The following FAT4 variants were observed in gnomAD, a reference collection of about 807,000 sequenced individuals.
FAT4 encodes the protein FAT atypical cadherin 4, also known as protocadherin Fat 4.
Under a neutral mutation model 303.9 loss-of-function variants are expected in FAT4, and 84 were observed. The observed-to-expected ratio is 0.28, with a 90% CI of 0.23 to 0.33. FAT4 has a LOEUF of 0.33. Ranked by LOEUF, FAT4 falls within the 10% of genes least tolerant of loss-of-function variation. FAT4 has a pLI of 1.00. For synonymous variants in FAT4, 2,307 were observed against 2,298.8 expected, an observed-to-expected ratio of 1.00 and a Z score of -0.10; for missense variants, 6,005 against 6,146.8, an observed-to-expected ratio of 0.98 and a Z score of 0.77.
At chr4:125,342,613 A>G (rs1454341851) in intron 2 of FAT4, among the ~76,000 whole-genome samples, 1 of 151,946 alleles carries the variant, frequency 6.6e-6, no homozygotes, top group Non-Finnish European at 1.5e-5. Flanking sequence ...TTAAAAATAC[A>G]ATTTAAATTT....
intron 2 of FAT4, among the ~76,000 whole-genome samples, chr4:125,347,293 C>T (rs540192971): frequency 1.3e-5 from 2 of 150,704 alleles, no homozygotes; most frequent in South Asian, 4.2e-4. Context: ...GAAACATACA[C>T]ATGTAGATAA....
chr4:125,451,306 C>T lies in FAT4; in HGVS notation c.10296C>T (p.Asp3432=). The change falls in exon 10 of 18, where the codon GAC becomes GAT. Residue 3432 remains aspartate (D), a synonymous_variant. Coordinates refer to ENST00000394329, the MANE Select transcript of FAT4 (RefSeq NM_001291303.3). ...ATGTGACCTTTGTCAGTGCCTTTGA[C>T]TCAGACTCCATCCCCAGCTGGAGCA... is the stretch of plus-strand genomic sequence containing the variant. ...GTHVTFVSAF[D]SDSIPSWSRF... is the part of the protein sequence containing the mutation. The T allele has an allele frequency of 6.2e-7, 1 of 1,614,146 alleles. No homozygotes were observed. Among genetic ancestry groups the T allele is most frequent in the Non-Finnish European group, 8.5e-7 (1 of 1,180,028 alleles).
At chr4:125,323,365 T>C (rs1731030194) in intron 2 of FAT4, among the ~76,000 whole-genome samples, 1 of 152,180 alleles carries the variant, frequency 6.6e-6, no homozygotes, top group African/African-American at 2.4e-5. Flanking sequence ...GGCAAGAAGA[T>C]TAAAAATGTT....
chr4:125,490,157 G>A lies in FAT4; in HGVS notation c.13341G>A (p.Leu4447=). 2 of 1,614,102 alleles carry A rather than the reference G, an allele frequency of 1.2e-6. No individual in the cohort carries two copies. Among genetic ancestry groups the A allele is most frequent in the Non-Finnish European group, 1.7e-6 (2 of 1,180,012 alleles). The change falls in exon 18 of 18, where the codon CTG becomes CTA. Residue 4447 remains leucine, a synonymous_variant. Transcript: ENST00000394329. ...ATGGTGGCAGCTGTGAGCCAGGCCT[G>A]CACTCCGGCTTCACCTGTAGCTGCC... The part of the protein sequence containing the change: ...CQNGGSCEPG[L]HSGFTCSCPD...
chr4:125,481,691 G>A lies in FAT4; in HGVS notation c.12775G>A (p.Gly4259Ser), dbSNP rs1421759535. The A allele has an allele frequency of 3.1e-6, 5 of 1,613,902 alleles. No individual in the cohort carries two copies. The highest frequency in any genetic ancestry group is 4.2e-6 in the Non-Finnish European group (5 of 1,179,942). Residue 4259 changes from glycine (G) to serine (S), a missense_variant, in exon 16 of 18, where the codon GGC becomes AGC. By Grantham distance (56) the Gly-to-Ser change is moderately conservative. Transcript: ENST00000394329. ...EVKFRTRSEN[G>S]VLIHIQESSN... is the part of the protein sequence containing the mutation. ...AAAATTTAGGACCAGAAGCGAGAATGGCGTTTTAATCCATATCCAAGAAAG... is the reference window on the plus strand; with the variant it reads ...AAAATTTAGGACCAGAAGCGAGAATAGCGTTTTAATCCATATCCAAGAAAG...
At chr4:125,418,760 G>C in intron 7 of FAT4, among the ~76,000 whole-genome samples, 1 of 152,134 alleles carries the variant, frequency 6.6e-6, no homozygotes, top group East Asian at 1.9e-4. Context: ...CATCCACCTG[G>C]TATAGTAATG....
intron 16 of FAT4, among the ~76,000 whole-genome samples, chr4:125,483,003 C>A (rs1727282552): frequency 6.6e-6 from 1 of 152,138 alleles, no homozygotes; most frequent in Admixed American, 6.6e-5. Flanking sequence ...TGGGAGAGTA[C>A]TTCTGGCGTC....
chr4:125,477,278 C>A lies in FAT4; in HGVS notation c.12423C>A (p.Val4141=). ...TTGGGTGTATAATGGAGTTTGCAGT[C>A]AATGGAAGGCCTCTGGAACCCAGCC... ...DFVGCIMEFA[V]NGRPLEPSQA... Residue 4141 remains valine, a synonymous_variant, in exon 14 of 18, where the codon GTC becomes GTA. Transcript: ENST00000394329. 6.3e-7 allele frequency: 1 copy of A among 1,583,060 alleles called. No homozygotes were observed. The highest frequency in any genetic ancestry group is 8.6e-7 in the Non-Finnish European group (1 of 1,163,820).
At chr4:125,427,641 A>C (rs1054747156) in intron 7 of FAT4, among the ~76,000 whole-genome samples, 5 of 152,094 alleles carry the variant, frequency 3.3e-5, no homozygotes, top group South Asian at 2.1e-4. Flanking sequence ...ATTTCAATAC[A>C]TTTTTTAGTG....
intron 2 of FAT4, among the ~76,000 whole-genome samples, chr4:125,328,336 C>T (rs1222810539): frequency 6.6e-6 from 1 of 152,128 alleles, no homozygotes; most frequent in African/African-American, 2.4e-5. Context: ...TTTCTTTGCT[C>T]TTAATATCCT....
At chr4:125,425,019 TA>T (rs1725041160) in intron 7 of FAT4, among the ~76,000 whole-genome samples, 1 of 152,166 alleles carries the variant, frequency 6.6e-6, no homozygotes, top group African/African-American at 2.4e-5. Flanking sequence ...ATATTATAAC[TA>T]ATTGAGATGT....
chr4:125,409,152 T>C (rs962299466), intron 5 of FAT4, among the ~76,000 whole-genome samples: 1 of 152,156 alleles, frequency 6.6e-6, no homozygotes, highest in African/African-American at 2.4e-5. Flanking sequence ...TTATTTTAAC[T>C]TGAAAAGGAT....
intron 10 of FAT4, among the ~76,000 whole-genome samples, chr4:125,462,543 A>T (rs934349100): frequency 1.3e-5 from 2 of 152,002 alleles, no homozygotes; most frequent in Non-Finnish European, 2.9e-5. Flanking sequence ...AAGTTATAGA[A>T]CAGTGGTATT....
intron 7 of FAT4, among the ~76,000 whole-genome samples, chr4:125,432,616 AT>A (rs980368719): frequency 1.5e-4 from 16 of 108,548 alleles, no homozygotes; most frequent in African/African-American, 3.3e-4. Context: ...AGGCATTTAC[AT>A]TTTTTTTTAG....
intron 2 of FAT4, among the ~76,000 whole-genome samples, chr4:125,339,546 T>C (rs527756158): frequency 6.6e-6 from 1 of 152,302 alleles, no homozygotes; most frequent in African/African-American, 2.4e-5. Context: ...AGCATCATTA[T>C]TAATAATTAT....
At chr4:125,327,325 A>T (rs1731197043) in intron 2 of FAT4, among the ~76,000 whole-genome samples, 1 of 152,266 alleles carries the variant, frequency 6.6e-6, no homozygotes, top group Admixed American at 6.5e-5. Flanking sequence ...GTGGAGAATT[A>T]TTTTTGAATT....
intron 7 of FAT4, among the ~76,000 whole-genome samples, chr4:125,419,115 T>C (rs1449971916): frequency 2.6e-5 from 4 of 152,200 alleles, no homozygotes; most frequent in African/African-American, 9.7e-5. Context: ...CCTTCATGTT[T>C]GTATCTATGA....
chr4:125,487,724 C>A, intron 17 of FAT4, 118 bp downstream of exon 17: 2 of 962,222 alleles, frequency 2.1e-6, no homozygotes, highest in Non-Finnish European at 2.8e-6. Flanking sequence ...AGAACAATTT[C>A]ATTCAATAAA....
At chr4:125,342,069 A>C (rs1467615320) in intron 2 of FAT4, among the ~76,000 whole-genome samples, 3 of 151,974 alleles carry the variant, frequency 2.0e-5, no homozygotes, top group Non-Finnish European at 4.4e-5. Context: ...AATATTATAA[A>C]ATATAAATTT....
Sources: gnomAD v4.1 joint callset for allele counts (sites outside exome capture counted in the v4.1 genomes callset) on GRCh38, gnomAD v4.1.1 for gene constraint, MANE v1.5 for transcripts, NCBI Gene and HGNC (gene_info 2026-07-23, HGNC 2026-07-21) for gene names.